Variants in ANKRD10 observed in about 807,000 individuals in gnomAD.
ANKRD10 encodes the protein ankyrin repeat domain-containing protein 10.
Under a neutral mutation model 27.0 loss-of-function variants are expected in ANKRD10, and 14 were observed. The observed-to-expected ratio is 0.52, with a 90% CI of 0.34 to 0.81. The LOEUF is 0.81. Among genes scored for constraint, ANKRD10 ranks in the 40% least tolerant of loss-of-function variants. The probability of loss-of-function intolerance (pLI) is 0.01; values close to 1 mark genes in which losing one functional copy is unlikely to be tolerated. For missense variants in ANKRD10, 493 were observed against 544.0 expected (o/e 0.91, Z 0.93); for synonymous variants, 250 against 224.5 (o/e 1.11, Z -1.01).
chr13:110,903,031 C>G (rs1437395924), intron 3 of ANKRD10, among the ~76,000 whole-genome samples: 2 of 152,154 alleles, frequency 1.3e-5, no homozygotes, highest in African/African-American at 2.4e-5. Flanking sequence ...AGCAAGTTTT[C>G]AAGTCTTTTT....
intron 4 of ANKRD10, among the ~76,000 whole-genome samples, chr13:110,890,338 T>A (rs971230529): frequency 2.0e-5 from 3 of 152,106 alleles, no homozygotes; most frequent in Non-Finnish European, 4.4e-5. Flanking sequence ...ACATCAGCAC[T>A]CTCAGTATGT....
intron 3 of ANKRD10, among the ~76,000 whole-genome samples, chr13:110,898,246 T>G (rs2065281440): frequency 6.6e-6 from 1 of 152,232 alleles, no homozygotes; most frequent in Admixed American, 6.5e-5. Flanking sequence ...CTTCAAAGTT[T>G]GAGTTCCTCC....
At chr13:110,881,565 T>G (rs1028614031) in intron 5 of ANKRD10, among the ~76,000 whole-genome samples, 1 of 152,248 alleles carries the variant, frequency 6.6e-6, no homozygotes, top group African/African-American at 2.4e-5. Context: ...GCTTTTCTAT[T>G]TGGCTAAAAT....
At position 110,893,257 on chromosome 13, in the gene ANKRD10, T is replaced by C; in HGVS notation, c.462A>G (p.Arg154=). 5.0e-6 allele frequency: 8 copies of C among 1,614,010 alleles called. No homozygotes were observed. The highest frequency in any genetic ancestry group is 6.8e-6 in the Non-Finnish European group (8 of 1,179,924). The change falls in exon 4 of 6, where the codon AGA becomes AGG. Residue 154 remains arginine (R), a synonymous_variant. Coordinates refer to ENST00000267339, the MANE Select transcript of ANKRD10 (RefSeq NM_017664.4). ...LVANGAHVDL[R]NASGLTAADI... ...CTGCTGCTGTCAGGCCACTGGCATT[T>C]CTCAGGCTGTACAACACAAAAACAC...
At chr13:110,884,795 T>C (rs1404962545) in intron 4 of ANKRD10, among the ~76,000 whole-genome samples, 3 of 152,222 alleles carry the variant, frequency 2.0e-5, no homozygotes, top group South Asian at 2.1e-4. Flanking sequence ...CCAAAGAATA[T>C]ACACCACAAA....
intron 3 of ANKRD10, chr13:110,905,084 A>G (rs1221896031): frequency 6.6e-6 from 1 of 151,864 alleles, no homozygotes; most frequent in Non-Finnish European, 1.5e-5. Context: ...TGATTAGAAT[A>G]ATGTGGTTTA....
At position 110,879,603 on chromosome 13, in the gene ANKRD10, G is replaced by A; in HGVS notation, c.*34C>T. 6.5e-7 allele frequency: 1 copy of A among 1,539,878 alleles called. No homozygotes were observed. Among genetic ancestry groups the A allele is most frequent in the Non-Finnish European group, 8.9e-7 (1 of 1,121,086 alleles). On this transcript the variant is annotated 3_prime_UTR_variant, in exon 6 of 6. Transcript: ENST00000267339. ...GTATTCTGAGCTGGCTACCAGGAAGGACTCCTGCGTTTCCGAGAGCCAGGT... is the reference window on the plus strand; with the variant it reads ...GTATTCTGAGCTGGCTACCAGGAAGAACTCCTGCGTTTCCGAGAGCCAGGT...
chr13:110,893,405 CAA>C (rs1475370366), intron 3 of ANKRD10, 142 bp from the exon 4 acceptor site: 3 of 736,260 alleles, frequency 4.1e-6, no homozygotes, highest in East Asian at 5.4e-5. Context: ...AGTAGTTAAT[CAA>C]TCTAGCTCTG....
At chr13:110,880,630 T>C (rs892307350) in intron 5 of ANKRD10, among the ~76,000 whole-genome samples, 1 of 151,872 alleles carries the variant, frequency 6.6e-6, no homozygotes, top group Non-Finnish European at 1.5e-5. Context: ...ACATGAGGTT[T>C]TTAAAAAATC....
intron 4 of ANKRD10, among the ~76,000 whole-genome samples, chr13:110,886,121 G>C (rs2064923149): frequency 6.6e-6 from 1 of 152,262 alleles, no homozygotes; most frequent in Admixed American, 6.5e-5. Context: ...GCCATGCGAG[G>C]TGCAGGGACA....
intron 3 of ANKRD10, chr13:110,894,264 C>G: frequency 5.6e-6 from 6 of 1,074,042 alleles, no homozygotes; most frequent in Non-Finnish European, 8.6e-6. Context: ...AAGTACTTAA[C>G]AGCAAAGACA....
chr13:110,888,301 C>T (rs779245207), intron 4 of ANKRD10, among the ~76,000 whole-genome samples: 1 of 151,524 alleles, frequency 6.6e-6, no homozygotes, highest in Non-Finnish European at 1.5e-5. Flanking sequence ...GAGGTTTGCT[C>T]AAATGGAGAC....
rs1566440513 is a variant in ANKRD10, at chr13:110,879,159, T to A, written c.*478A>T. 6.0e-6 allele frequency: 1 copy of A among 166,300 alleles called. No homozygotes were observed. Among genetic ancestry groups the A allele is most frequent in the African/African-American group, 2.4e-5 (1 of 41,758 alleles). The allele number at this position is 166,300 out of a possible 1,614,324, so 10.3% of individuals were successfully genotyped here. ...ACGTTCTCTTCTTCACACAAATCAC[T>A]GCAGAAATCTTTGTAAGGCTGTACC... On this transcript the variant is annotated 3_prime_UTR_variant, in exon 6 of 6. Coordinates refer to ENST00000267339, the MANE Select transcript of ANKRD10 (RefSeq NM_017664.4).
rs2065842556 is a variant in ANKRD10, at chr13:110,914,824, C to T, written c.111G>A (p.Thr37=). The T allele has an allele frequency of 2.5e-6, 4 of 1,586,794 alleles. No homozygotes were observed. Among genetic ancestry groups the T allele is most frequent in the Non-Finnish European group, 3.4e-6 (4 of 1,167,564 alleles). The change falls in exon 1 of 6, where the codon ACG becomes ACA. Residue 37 remains threonine, a synonymous_variant. Coordinates refer to ENST00000267339, the MANE Select transcript of ANKRD10 (RefSeq NM_017664.4). ...HRACRDGDLA[T]LCSLLQQTPH... is the part of the protein sequence containing the mutation. ...GTGTCTGCTGCAGCAGCGAGCAGAG[C>T]GTGGCCAGGTCCCCGTCGCGGCAGG...
chr13:110,903,792 T>C (rs1198310702), intron 3 of ANKRD10, among the ~76,000 whole-genome samples: 1 of 152,220 alleles, frequency 6.6e-6, no homozygotes, highest in East Asian at 1.9e-4. Context: ...TTATAGCATG[T>C]AATATGAAGA....
chr13:110,914,344 C>A (rs2065816392), intron 1 of ANKRD10, among the ~76,000 whole-genome samples: 2 of 152,174 alleles, frequency 1.3e-5, no homozygotes, highest in African/African-American at 4.8e-5. Context: ...ATCGCTCGCG[C>A]CTCCGGCCCG....
rs896931202 is a variant in ANKRD10, at chr13:110,878,567, G to C, written c.*1070C>G. ...AGTGTGAGAGTTTTTTATTCAATTTGTGAAGGACAGTTTTAGAACAAAATG... is the reference window on the plus strand; with the variant it reads ...AGTGTGAGAGTTTTTTATTCAATTTCTGAAGGACAGTTTTAGAACAAAATG... On this transcript the variant is annotated 3_prime_UTR_variant, in exon 6 of 6. Transcript: ENST00000267339. The C allele has an allele frequency of 6.6e-6, 1 of 152,260 alleles. No homozygotes were observed. Among genetic ancestry groups the C allele is most frequent in the African/African-American group, 2.4e-5 (1 of 41,444 alleles). 9.4% of individuals were successfully genotyped at this position (152,260 alleles called of 1,614,324 possible).
In ANKRD10 at chr13:110,896,258, G is replaced by C. The variant is rs367977672; in HGVS notation, c.456-2995C>G. Among the ~76,000 whole-genome samples the C allele has an allele frequency of 2.6e-5, 4 of 152,326 alleles. No homozygotes were observed. The East Asian group carries it at 7.7e-4, about 29-fold the overall frequency. On this transcript the variant is annotated intron_variant, in intron 3 of 5. Transcript: ENST00000267339. ...TGGCACTATCTATGCAGCATTATCGGAAACAGAAATATCCAGCACCCTTTC... is the reference window on the plus strand; with the variant it reads ...TGGCACTATCTATGCAGCATTATCGCAAACAGAAATATCCAGCACCCTTTC...
chr13:110,889,305 A>G (rs1036267826), intron 4 of ANKRD10, among the ~76,000 whole-genome samples: 2 of 147,404 alleles, frequency 1.4e-5, no homozygotes, highest in African/African-American at 2.5e-5. Flanking sequence ...ACTTCCTTGC[A>G]CCATCTAAAA....
Sources: gnomAD v4.1 joint callset for allele counts (sites outside exome capture counted in the v4.1 genomes callset) on GRCh38, gnomAD v4.1.1 for gene constraint, MANE v1.5 for transcripts, NCBI Gene and HGNC (gene_info 2026-07-23, HGNC 2026-07-21) for gene names.